Variants in ASIC2 observed in about 807,000 individuals in gnomAD.
ASIC2 encodes acid-sensing ion channel 2.
Under a neutral mutation model 57.3 loss-of-function variants are expected in ASIC2, and 25 were observed. The ratio of observed to expected loss-of-function variants is 0.44; its 90% confidence interval spans 0.32 to 0.61. The LOEUF (loss-of-function observed/expected upper bound fraction) is 0.61. Among genes scored for constraint, ASIC2 ranks in the 20% least tolerant of loss-of-function variants. The pLI is 0.06. For synonymous variants in ASIC2, 319 were observed against 307.5 expected (o/e 1.04, Z -0.39); for missense variants, 641 against 738.1 (o/e 0.87, Z 1.52).
chr17:34,149,662 C>T (rs1380542076), intron 1 of ASIC2, among the ~76,000 whole-genome samples: 1 of 152,016 alleles, frequency 6.6e-6, no homozygotes, highest in South Asian at 2.1e-4. Context: ...AAGAAATATG[C>T]GATTTGTAAA....
chr17:33,531,175 C>T (rs1915039888), intron 1 of ASIC2, among the ~76,000 whole-genome samples: 2 of 152,104 alleles, frequency 1.3e-5, no homozygotes, highest in Non-Finnish European at 2.9e-5. Context: ...GGCATGGCCT[C>T]CTGGACCTTT....
At chr17:33,812,494 C>T (rs1274721794) in intron 1 of ASIC2, among the ~76,000 whole-genome samples, 2 of 152,040 alleles carry the variant, frequency 1.3e-5, no homozygotes, top group African/African-American at 2.4e-5. Context: ...GGAAATTGTG[C>T]TTGCTTCCAG....
chr17:33,946,865 G>A (rs1904390690), intron 1 of ASIC2, among the ~76,000 whole-genome samples: 1 of 152,152 alleles, frequency 6.6e-6, no homozygotes. Context: ...ACTAAGATTG[G>A]GGAGCTCCCA....
intron 1 of ASIC2, among the ~76,000 whole-genome samples, chr17:33,912,272 C>A (rs947756040): frequency 2.6e-5 from 4 of 151,546 alleles, no homozygotes; most frequent in African/African-American, 9.7e-5. Flanking sequence ...GCATGTGGAT[C>A]ACCTGAGGTC....
intron 1 of ASIC2, among the ~76,000 whole-genome samples, chr17:33,571,128 T>C (rs1916422096): frequency 6.6e-6 from 1 of 152,084 alleles, no homozygotes. Flanking sequence ...CATTCCAGAT[T>C]AGTCCCAAGT....
At chr17:33,073,256 A>G (rs1330629418) in intron 3 of ASIC2, among the ~76,000 whole-genome samples, 1 of 152,246 alleles carries the variant, frequency 6.6e-6, no homozygotes, top group Non-Finnish European at 1.5e-5. Context: ...AGAAGTTAGC[A>G]TTAGAAAACG....
intron 1 of ASIC2, among the ~76,000 whole-genome samples, chr17:33,301,910 G>C (rs536350376): frequency 6.6e-6 from 1 of 152,348 alleles, no homozygotes; most frequent in South Asian, 2.1e-4. Flanking sequence ...CTGGGAGCCA[G>C]GATCTGAGAC....
intron 1 of ASIC2, among the ~76,000 whole-genome samples, chr17:34,009,675 C>T (rs911538603): frequency 6.6e-6 from 1 of 152,176 alleles, no homozygotes; most frequent in African/African-American, 2.4e-5. Context: ...ATCCCAAGCA[C>T]ATGCTGGTTT....
intron 1 of ASIC2, chr17:33,935,433 G>A (rs1034591048): frequency 6.6e-6 from 1 of 152,130 alleles, no homozygotes; most frequent in Non-Finnish European, 1.5e-5. Context: ...AGAGAACTTA[G>A]TAATAACATT....
At chr17:33,661,833 C>G (rs1004733317) in intron 1 of ASIC2, among the ~76,000 whole-genome samples, 1 of 152,150 alleles carries the variant, frequency 6.6e-6, no homozygotes, top group Admixed American at 6.5e-5. Flanking sequence ...GGAGAGGGCT[C>G]TGGCAGAAAA....
chr17:33,325,073 G>A (rs374616033), intron 1 of ASIC2, among the ~76,000 whole-genome samples: 3 of 152,196 alleles, frequency 2.0e-5, no homozygotes, highest in East Asian at 1.9e-4. Context: ...CATCAGGCAC[G>A]TATCTATTGA....
chr17:33,164,918 T>C (rs930989309), intron 1 of ASIC2, among the ~76,000 whole-genome samples: 3 of 152,252 alleles, frequency 2.0e-5, no homozygotes, highest in African/African-American at 7.2e-5. Context: ...GGCCCCACTC[T>C]CTCTCTTTGG....
In ASIC2 at chr17:33,705,369, G is replaced by A. The variant is rs148141086; in HGVS notation, c.555+450609C>T. Among the ~76,000 whole-genome samples, 15 of 152,122 alleles carry A rather than the reference G, an allele frequency of 9.9e-5. No homozygotes were observed. In the East Asian group the frequency reaches 2.9e-3, roughly 29 times the overall value. On this transcript the variant is annotated intron_variant, in intron 1 of 9. Coordinates refer to the ASIC2 transcript ENST00000359872. ...AATGTTTGTGGTTGGCTTAGCAGTA[G>A]CCCCCAAAGATATATCCACATCTCA...
intron 1 of ASIC2, among the ~76,000 whole-genome samples, chr17:34,068,219 T>A (rs937050334): frequency 6.6e-5 from 10 of 152,150 alleles, no homozygotes; most frequent in African/African-American, 2.4e-4. Context: ...GCAGGCACCA[T>A]TAATGTATGA....
chr17:33,479,679 C>G (rs1057042231), intron 1 of ASIC2, among the ~76,000 whole-genome samples: 1 of 152,310 alleles, frequency 6.6e-6, no homozygotes, highest in Admixed American at 6.5e-5. Flanking sequence ...ATAACCCGTG[C>G]TGGGGCTTGC....
At chr17:33,730,375 GGGA>G (rs1276342256) in intron 1 of ASIC2, among the ~76,000 whole-genome samples, 2 of 152,116 alleles carry the variant, frequency 1.3e-5, no homozygotes, top group Non-Finnish European at 2.9e-5. Flanking sequence ...GACTAATTGC[GGGA>G]GGAGAAGGGC....
intron 1 of ASIC2, among the ~76,000 whole-genome samples, chr17:33,512,897 G>T (rs1304394422): frequency 6.6e-6 from 1 of 152,224 alleles, no homozygotes; most frequent in African/African-American, 2.4e-5. Flanking sequence ...GTGCCAGCTG[G>T]TAGCCCCAGA....
chr17:33,297,587 C>T (rs1905769003), upstream of ASIC2, among the ~76,000 whole-genome samples: 1 of 152,032 alleles, frequency 6.6e-6, no homozygotes, highest in South Asian at 2.1e-4. Flanking sequence ...CTTTGGGAGG[C>T]CAAGATGGGC....
chr17:33,873,578 C>T lies in ASIC2; in HGVS notation c.555+282400G>A, dbSNP rs576066420. Among the ~76,000 whole-genome samples, 48 of 152,270 alleles carry T rather than the reference C, an allele frequency of 3.2e-4. No individual in the cohort carries two copies. The South Asian group carries it at 9.2e-3, about 29-fold the overall frequency. Reference sequence around the variant, plus strand: ...TATAGGTTTCTTTACCTCTCTGAGCCTCAAAATCCTTATCTGTAAAAATTG... The same window carrying T: ...TATAGGTTTCTTTACCTCTCTGAGCTTCAAAATCCTTATCTGTAAAAATTG... On this transcript the variant is annotated intron_variant, in intron 1 of 9. Coordinates refer to the ASIC2 transcript ENST00000359872.
Sources: gnomAD v4.1 joint callset for allele counts (sites outside exome capture counted in the v4.1 genomes callset) on GRCh38, gnomAD v4.1.1 for gene constraint, MANE v1.5 for transcripts, NCBI Gene and HGNC (gene_info 2026-07-23, HGNC 2026-07-21) for gene names.